The following SLC25A16 variants were observed in gnomAD, a reference collection of about 807,000 sequenced individuals.
SLC25A16 encodes the protein solute carrier family 25 member 16.
In SLC25A16, 39 loss-of-function variants were observed where a neutral mutation model predicts 41.5. The ratio of observed to expected loss-of-function variants is 0.94; its 90% CI spans 0.73 to 1.23. SLC25A16 has a LOEUF of 1.23. Among genes scored for constraint, SLC25A16 ranks in the 50% most tolerant of loss-of-function variants. The pLI is 0.00. For synonymous variants in SLC25A16, 146 were observed against 147.8 expected, an observed-to-expected ratio of 0.99 and a Z score of 0.09; for missense variants, 421 against 426.9, an observed-to-expected ratio of 0.99 and a Z score of 0.12.
At position 68,479,987 on chromosome 10, in the gene SLC25A16, G is replaced by C. The variant is rs531134874; in HGVS notation, c.*3445C>G. 6.6e-6 allele frequency: 1 copy of C among 150,962 alleles called. No homozygotes were observed. The allele number at this position is 150,962 out of a possible 1,614,324, so 9.4% of individuals were successfully genotyped here. On this transcript the variant is annotated 3_prime_UTR_variant, in exon 9 of 9. Transcript: ENST00000609923. ...GATTGCACCACTGCACTCCAGCTTG[G>C]GTGACAGAGTTAAGACTCTCGTTAA...
chr10:68,494,012 C>A (rs2052706513), intron 4 of SLC25A16, among the ~76,000 whole-genome samples: 1 of 152,154 alleles, frequency 6.6e-6, no homozygotes, highest in African/African-American at 2.4e-5. Context: ...TGACCATGTA[C>A]AGATTTTTTG....
intron 2 of SLC25A16, among the ~76,000 whole-genome samples, chr10:68,510,055 TAACA>T: frequency 6.6e-6 from 1 of 151,694 alleles, no homozygotes; most frequent in East Asian, 1.9e-4. Context: ...CTAGCCTGGG[TAACA>T]GAGCAAGACT....
In SLC25A16 at chr10:68,482,319, T is replaced by C. The variant is rs969234001; in HGVS notation, c.*1113A>G. 2.6e-5 allele frequency: 4 copies of C among 152,354 alleles called. No individual in the cohort carries two copies. Among genetic ancestry groups the C allele is most frequent in the African/African-American group, 9.7e-5 (4 of 41,412 alleles). The allele number at this position is 152,354 out of a possible 1,614,324, so 9.4% of individuals were successfully genotyped here. A position where few individuals can be genotyped will look rare whatever the true frequency, so the allele number is the denominator to read the frequency against. On this transcript the variant is annotated 3_prime_UTR_variant, in exon 9 of 9. Coordinates refer to ENST00000609923, the MANE Select transcript of SLC25A16 (RefSeq NM_152707.4). ...TTTATGACACGCTTATAATAAATCA[T>C]AAAAAGTACTCTAAACAGAATAAAT...
intron 3 of SLC25A16, 117 bp from the exon 4 acceptor site, chr10:68,503,812 TA>T (rs1416465917): frequency 2.8e-6 from 2 of 705,214 alleles, no homozygotes; most frequent in Non-Finnish European, 5.0e-6. Flanking sequence ...AAATTAATAA[TA>T]AATGTGAACG....
chr10:68,509,585 G>A (rs1219709519), intron 2 of SLC25A16, among the ~76,000 whole-genome samples: 3 of 150,784 alleles, frequency 2.0e-5, no homozygotes, highest in Admixed American at 6.7e-5. Flanking sequence ...GCGTGGTGGC[G>A]CTCGCAATTC....
intron 1 of SLC25A16, 148 bp downstream of exon 1, chr10:68,527,098 G>T: frequency 1.3e-6 from 1 of 777,540 alleles, no homozygotes. Flanking sequence ...TTACTAGAAA[G>T]AGGTTACAGC....
rs1476619129 is a variant in SLC25A16 at position 68,527,388 on chromosome 10, CG to C, written c.-14del. ...TCGCCGCCGCCATCAGGACCAGGGT[CG>C]CGTCAGGAGCCTAGGTTGCCAACTT... On this transcript the variant is annotated 5_prime_UTR_variant, in exon 1 of 9. Coordinates refer to ENST00000609923, the MANE Select transcript of SLC25A16 (RefSeq NM_152707.4). The C allele has an allele frequency of 6.8e-7, 1 of 1,478,574 alleles. No individual in the cohort carries two copies. The highest frequency in any genetic ancestry group is 2.6e-5 in the East Asian group (1 of 37,914). 91.6% of individuals were successfully genotyped at this position (1,478,574 alleles called of 1,614,324 possible).
At position 68,478,426 on chromosome 10, in the gene SLC25A16, A is replaced by G. The variant is rs1265932461; in HGVS notation, c.*5006T>C. The G allele has an allele frequency of 1.3e-5, 2 of 152,230 alleles. No individual in the cohort carries two copies. The highest frequency in any genetic ancestry group is 2.1e-4 in the South Asian group (1 of 4,832). 9.4% of individuals were successfully genotyped at this position (152,230 alleles called of 1,614,324 possible). ...ACTATGTAAAGTGTATGCTTGCTAT[A>G]CAAGTGTGTCAGGTATTATTGATCC... is the stretch of plus-strand genomic sequence containing the variant. On this transcript the variant is annotated 3_prime_UTR_variant, in exon 9 of 9. Transcript: ENST00000609923.
intron 4 of SLC25A16, among the ~76,000 whole-genome samples, chr10:68,494,858 G>A (rs1268076669): frequency 2.0e-5 from 3 of 147,792 alleles, no homozygotes; most frequent in Admixed American, 6.9e-5. Context: ...CAGCCCGGGC[G>A]ACAAGAGTAA....
Position 68,481,318 on chromosome 10 carries a change from T to C in SLC25A16, c.*2114A>G, listed in dbSNP as rs965735233. 6.6e-6 allele frequency: 1 copy of C among 151,986 alleles called. No homozygotes were observed. The highest frequency in any genetic ancestry group is 2.4e-5 in the African/African-American group (1 of 41,390). 9.4% of individuals were successfully genotyped at this position (151,986 alleles called of 1,614,324 possible). ...ATGTATTTCTACCTACTGGTACACT[T>C]ATAAATCATACAAAGATACATACTT... On this transcript the variant is annotated 3_prime_UTR_variant, in exon 9 of 9. Coordinates refer to ENST00000609923, the MANE Select transcript of SLC25A16 (RefSeq NM_152707.4).
intron 4 of SLC25A16, among the ~76,000 whole-genome samples, chr10:68,501,660 GC>G (rs2052847730): frequency 6.9e-6 from 1 of 145,178 alleles, no homozygotes; most frequent in Non-Finnish European, 1.5e-5. Flanking sequence ...AGTAGTGTGT[GC>G]CTCTAGTCCC....
In SLC25A16 at chr10:68,487,146, G is replaced by T; in HGVS notation, c.840C>A (p.Cys280Ter). The change falls in exon 8 of 9, where the codon TGC (cysteine) becomes TGA (stop). Residue 280 changes from cysteine to a stop codon, truncating the protein, a stop_gained and splice_region_variant. Transcript: ENST00000609923. LOFTEE classifies it high-confidence loss of function. ...LGTVLPEFEKCLTMRDTMKYV... is the reference protein window; with the variant it reads ...LGTVLPEFEK Reference sequence around the variant, plus strand: ...ACAATGACATATGATGAACTTACAGGCACTTTTCAAATTCCGGCAGAACAG... The same window carrying T: ...ACAATGACATATGATGAACTTACAGTCACTTTTCAAATTCCGGCAGAACAG... 1 of 1,610,782 alleles carries T rather than the reference G, an allele frequency of 6.2e-7. No individual in the cohort carries two copies. The highest frequency in any genetic ancestry group is 1.7e-5 in the Admixed American group (1 of 59,958).
chr10:68,496,751 T>C, intron 4 of SLC25A16: 1 of 864,136 alleles, frequency 1.2e-6, no homozygotes, highest in Non-Finnish European at 1.4e-6. Flanking sequence ...AGAAATCATA[T>C]TTAGAAAGTA....
Position 68,478,656 on chromosome 10 carries a change from G to A in SLC25A16, c.*4776C>T, listed in dbSNP as rs2052453358. On this transcript the variant is annotated 3_prime_UTR_variant, in exon 9 of 9. Transcript: ENST00000609923. Reference sequence around the variant, plus strand: ...AGCCTCCCAAAGGGCTAGAATTACAGACATGAGTCACTTCACCCAGCCATA... The same window carrying A: ...AGCCTCCCAAAGGGCTAGAATTACAAACATGAGTCACTTCACCCAGCCATA... The A allele has an allele frequency of 1.3e-5, 2 of 151,624 alleles. No homozygotes were observed. Among genetic ancestry groups the A allele is most frequent in the Admixed American group, 1.3e-4 (2 of 15,204 alleles). 9.4% of individuals were successfully genotyped at this position (151,624 alleles called of 1,614,324 possible).
chr10:68,493,422 T>C, intron 5 of SLC25A16, 27 bp downstream of exon 5: 1 of 1,594,518 alleles, frequency 6.3e-7, no homozygotes, highest in Non-Finnish European at 8.6e-7. Context: ...GGGCATGTTA[T>C]AGATGAGGAA....
chr10:68,495,276 T>C, intron 4 of SLC25A16, among the ~76,000 whole-genome samples: 1 of 151,856 alleles, frequency 6.6e-6, no homozygotes. Context: ...CCAGGTGTAA[T>C]GGTGGGCACC....
At chr10:68,511,896 G>A (rs9415910) in intron 2 of SLC25A16, among the ~76,000 whole-genome samples, 7,807 of 151,030 alleles carry the variant, frequency 0.052, 237 homozygotes, top group South Asian at 0.09. Context: ...TCACTCTATC[G>A]CCCAGGCTGG....
At position 68,482,332 on chromosome 10, in the gene SLC25A16, A is replaced by C. The variant is rs909065705; in HGVS notation, c.*1100T>G. The C allele has an allele frequency of 6.6e-6, 1 of 152,522 alleles. No individual in the cohort carries two copies. Among genetic ancestry groups the C allele is most frequent in the Non-Finnish European group, 1.5e-5 (1 of 68,030 alleles). The allele number at this position is 152,522 out of a possible 1,614,324, so 9.4% of individuals were successfully genotyped here. ...TATAATAAATCATAAAAAGTACTCT[A>C]AACAGAATAAATGGAATTCTTACAT... is the stretch of plus-strand genomic sequence containing the variant. On this transcript the variant is annotated 3_prime_UTR_variant, in exon 9 of 9. Coordinates refer to ENST00000609923, the MANE Select transcript of SLC25A16 (RefSeq NM_152707.4).
At chr10:68,500,309 A>G (rs1477112908) in intron 4 of SLC25A16, among the ~76,000 whole-genome samples, 3 of 152,112 alleles carry the variant, frequency 2.0e-5, no homozygotes, top group African/African-American at 7.2e-5. Context: ...TATAAATTGT[A>G]ATTACTTAAA....
Sources: gnomAD v4.1 joint callset for allele counts (sites outside exome capture counted in the v4.1 genomes callset) on GRCh38, gnomAD v4.1.1 for gene constraint, MANE v1.5 for transcripts, NCBI Gene and HGNC (gene_info 2026-07-23, HGNC 2026-07-21) for gene names.